SLC4A4: variants seen among roughly 807,000 people sequenced by gnomAD.
SLC4A4 encodes electrogenic sodium bicarbonate cotransporter 1.
A neutral mutation model predicts 111.5 loss-of-function variants in SLC4A4; 27 were observed. That is an observed-to-expected ratio of 0.24 (90% CI 0.18 to 0.33). The LOEUF is 0.33. Among genes scored for constraint, SLC4A4 ranks in the 10% least tolerant of loss-of-function variants. The probability of loss-of-function intolerance (pLI) is 1.00; values close to 1 mark genes in which losing one functional copy is unlikely to be tolerated. For synonymous variants in SLC4A4, 443 were observed against 463.4 expected (o/e 0.96, Z 0.57); for missense variants, 909 against 1,315.5 (o/e 0.69, Z 4.78).
intron 12 of SLC4A4, among the ~76,000 whole-genome samples, chr4:71,454,527 A>G (rs1379817372): frequency 1.3e-5 from 2 of 152,104 alleles, no homozygotes; most frequent in African/African-American, 2.4e-5. Context: ...TGTGGTATTC[A>G]TAAGTGATGC....
At chr4:71,564,065 C>T (rs1009640415) in intron 24 of SLC4A4, among the ~76,000 whole-genome samples, 176 bp downstream of exon 24, 1 of 151,828 alleles carries the variant, frequency 6.6e-6, no homozygotes, top group Non-Finnish European at 1.5e-5. Context: ...AAGCTTCATT[C>T]TTCCTTTTAT....
intron 6 of SLC4A4, among the ~76,000 whole-genome samples, chr4:71,381,901 A>G (rs895569424): frequency 6.6e-6 from 1 of 152,160 alleles, no homozygotes. Context: ...CAAAGTGAGA[A>G]GTGCTTGTAG....
intron 1 of SLC4A4, among the ~76,000 whole-genome samples, chr4:71,201,971 A>C (rs964964299): frequency 1.3e-5 from 2 of 152,202 alleles, no homozygotes; most frequent in Admixed American, 6.5e-5. Context: ...TTAGATAAGC[A>C]ATCTCTGAGT....
rs373136625 is a variant in SLC4A4 at position 71,418,538 on chromosome 4, C to T, written c.807+20885C>T. Among the ~76,000 whole-genome samples, 149 of 152,274 alleles carry T rather than the reference C, an allele frequency of 9.8e-4. 3 individuals are homozygous for T. The South Asian group carries it at 0.03, about 31-fold the overall frequency. ...ATTTTGGATTCTATGGGCTATCAAG[C>T]AATAGCTCTTTTTAGGCCTCTTAGA... On this transcript the variant is annotated intron_variant, in intron 7 of 25. Coordinates refer to ENST00000264485, the MANE Select transcript of SLC4A4 (RefSeq NM_001098484.3).
intron 21 of SLC4A4, among the ~76,000 whole-genome samples, chr4:71,556,076 C>T (rs554925427): frequency 6.6e-6 from 1 of 152,048 alleles, no homozygotes; most frequent in Non-Finnish European, 1.5e-5. Flanking sequence ...TGAACCCCTT[C>T]AAAATAGTCC....
chr4:71,411,090 G>A (rs1721322205), intron 7 of SLC4A4, among the ~76,000 whole-genome samples: 1 of 152,162 alleles, frequency 6.6e-6, no homozygotes, highest in African/African-American at 2.4e-5. Context: ...TTATGATAAA[G>A]CCCAGAATCC....
intron 15 of SLC4A4, among the ~76,000 whole-genome samples, chr4:71,491,055 G>A (rs190773599): frequency 1.6e-3 from 238 of 151,884 alleles, no homozygotes; most frequent in African/African-American, 5.4e-3. Context: ...TATCTAGCTT[G>A]CTTTGGTTGT....
chr4:71,490,488 A>G (rs961346474), intron 15 of SLC4A4, among the ~76,000 whole-genome samples: 7 of 151,658 alleles, frequency 4.6e-5, no homozygotes, highest in Non-Finnish European at 1.0e-4. Flanking sequence ...TTGATACCCT[A>G]GCTTTCTTTT....
At chr4:71,128,052 C>T (rs1270698981) in intron 2 of SLC4A4, among the ~76,000 whole-genome samples, 4 of 152,242 alleles carry the variant, frequency 2.6e-5, no homozygotes, top group Non-Finnish European at 1.5e-5. Context: ...TGCCACTACA[C>T]TCCAGCCTGG....
chr4:71,473,756 TAATTCCATTATAA>T (rs1728097557), intron 14 of SLC4A4, among the ~76,000 whole-genome samples: 1 of 151,854 alleles, frequency 6.6e-6, no homozygotes, highest in South Asian at 2.1e-4. Flanking sequence ...TTTCTTGGAG[TAATTCCATTATAA>T]AATTCCATTT....
At chr4:71,121,253 G>A (rs527380445) in intron 2 of SLC4A4, among the ~76,000 whole-genome samples, 11 of 150,448 alleles carry the variant, frequency 7.3e-5, no homozygotes, top group Middle Eastern at 6.8e-3. Flanking sequence ...CATGCTGCCC[G>A]AGACTCCCCA....
chr4:71,531,791 ACACACACACAC>A (rs1733941450), intron 16 of SLC4A4, among the ~76,000 whole-genome samples: 14 of 150,510 alleles, frequency 9.3e-5, no homozygotes, highest in African/African-American at 3.0e-4. Context: ...ACACACACAC[ACACACACACAC>A]ACAGAAAGAG....
chr4:71,304,940 C>A (rs1224529610), intron 3 of SLC4A4, among the ~76,000 whole-genome samples: 1 of 152,194 alleles, frequency 6.6e-6, no homozygotes, highest in Middle Eastern at 3.2e-3. Flanking sequence ...GTTTTAATAG[C>A]ACTGCAATTA....
intron 3 of SLC4A4, among the ~76,000 whole-genome samples, chr4:71,328,237 C>G (rs1367482737): frequency 6.6e-6 from 1 of 152,106 alleles, no homozygotes; most frequent in Non-Finnish European, 1.5e-5. Context: ...TTGATGCTCA[C>G]TTAAGTTGTT....
At chr4:71,103,305 C>A (rs1469947849) in intron 2 of SLC4A4, among the ~76,000 whole-genome samples, 1 of 152,062 alleles carries the variant, frequency 6.6e-6, no homozygotes, top group African/African-American at 2.4e-5. Context: ...GACTTAGACT[C>A]CCGCACATTA....
At position 71,300,884 on chromosome 4, in the gene SLC4A4, C is replaced by T. The variant is rs114549274; in HGVS notation, c.254-38486C>T. On this transcript the variant is annotated intron_variant, in intron 3 of 25. Transcript: ENST00000264485. ...GCCCGCTTCCAATCTTGAGATTGCT[C>T]AGCACGTGGTAGGTGCTGGGGTCCA... 1,743 of 497,336 alleles carry T rather than the reference C, an allele frequency of 3.5e-3. 28 individuals are homozygous for T. The highest frequency in any genetic ancestry group is 0.032 in the African/African-American group (1,638 of 51,330). The allele number at this position is 497,336 out of a possible 1,614,324, so 30.8% of individuals were successfully genotyped here.
At chr4:71,317,527 A>G (rs1265415227) in intron 3 of SLC4A4, among the ~76,000 whole-genome samples, 1 of 152,138 alleles carries the variant, frequency 6.6e-6, no homozygotes, top group Non-Finnish European at 1.5e-5. Flanking sequence ...TACTCATTGC[A>G]AAGTATTTGG....
At chr4:71,377,672 G>A (rs1405115836) in intron 6 of SLC4A4, among the ~76,000 whole-genome samples, 1 of 152,136 alleles carries the variant, frequency 6.6e-6, no homozygotes, top group African/African-American at 2.4e-5. Flanking sequence ...TTGTTAGTTA[G>A]GATCAGGCTA....
chr4:71,449,329 C>T (rs1021726692), intron 9 of SLC4A4, among the ~76,000 whole-genome samples: 3 of 152,136 alleles, frequency 2.0e-5, no homozygotes, highest in African/African-American at 7.2e-5. Flanking sequence ...TCCCAGACAG[C>T]CTTTTTCTTA....
Sources: allele counts gnomAD v4.1 joint callset (sites outside exome capture counted in the v4.1 genomes callset), GRCh38; gene constraint gnomAD v4.1.1; transcripts MANE v1.5; gene names NCBI Gene and HGNC (gene_info 2026-07-23, HGNC 2026-07-21).